TSHR: variants seen among roughly 807,000 people sequenced by gnomAD.
The protein encoded by TSHR is thyroid stimulating hormone receptor, also known as thyrotropin receptor.
In TSHR, 51 loss-of-function variants were observed where a neutral mutation model predicts 64.1. The ratio of observed to expected loss-of-function variants is 0.80; its 90% CI spans 0.64 to 1.01. The LOEUF (loss-of-function observed/expected upper bound fraction) is 1.01. TSHR is among the 50% of genes least tolerant of loss of function. The pLI is 0.00. For missense variants in TSHR, 877 were observed against 942.8 expected (o/e 0.93, Z 0.91); for synonymous variants, 361 against 361.9 (o/e 1.00, Z 0.03).
chr14:81,007,081 T>G (rs566727342), intron 1 of TSHR, among the ~76,000 whole-genome samples: 4 of 152,342 alleles, frequency 2.6e-5, no homozygotes, highest in Admixed American at 2.0e-4. Context: ...TTTAAATGTT[T>G]GCGTCCTCTC....
chr14:81,014,176 T>C (rs1240830698), intron 1 of TSHR: 1 of 152,186 alleles, frequency 6.6e-6, no homozygotes, highest in African/African-American at 2.4e-5. Flanking sequence ...TTCATTCGCT[T>C]GTAGTCTTGA....
chr14:81,096,601 C>A, intron 6 of TSHR, 38 bp from the exon 7 acceptor site: 1 of 1,602,888 alleles, frequency 6.2e-7, no homozygotes, highest in East Asian at 2.2e-5. Context: ...CACCACTTCT[C>A]ACCAGTCACT....
chr14:81,023,879 A>G (rs1288375812), intron 1 of TSHR, among the ~76,000 whole-genome samples: 2 of 152,166 alleles, frequency 1.3e-5, no homozygotes, highest in African/African-American at 2.4e-5. Flanking sequence ...TTTTCTTACT[A>G]ATAAATGTCC....
intron 7 of TSHR, chr14:81,105,012 T>G: frequency 2.0e-6 from 2 of 985,432 alleles, no homozygotes; most frequent in Non-Finnish European, 2.4e-6. Context: ...TTTCCTTTCG[T>G]CTCTTACTAC....
intron 8 of TSHR, among the ~76,000 whole-genome samples, chr14:81,135,756 A>C (rs1891429280): frequency 6.6e-6 from 1 of 152,164 alleles, no homozygotes; most frequent in African/African-American, 2.4e-5. Flanking sequence ...TCTATTTGAG[A>C]TATTTTGAGT....
chr14:80,973,357 G>A (rs369030003), intron 1 of TSHR, among the ~76,000 whole-genome samples: 96 of 130,994 alleles, frequency 7.3e-4, no homozygotes, highest in African/African-American at 2.6e-3. Flanking sequence ...AGTGAGCCGA[G>A]ATCGCGCCAC....
rs183627505 is a variant in TSHR at position 80,957,545 on chromosome 14, A to C, written c.170+1695A>C. ...GAATGTCCACTCTATGTTGGGGAGAAAGAAATCCAAAGACATCACTTCTTC... is the reference window on the plus strand; with the variant it reads ...GAATGTCCACTCTATGTTGGGGAGACAGAAATCCAAAGACATCACTTCTTC... On this transcript the variant is annotated intron_variant, in intron 1 of 9. Coordinates refer to ENST00000298171, the MANE Select transcript of TSHR (RefSeq NM_000369.5). Among the ~76,000 whole-genome samples the C allele has an allele frequency of 3.0e-3, 458 of 152,352 alleles. 1 individual carries two copies. The highest frequency in any genetic ancestry group is 3.9e-3 in the Non-Finnish European group (266 of 68,028).
At chr14:81,082,320 T>C (rs1246183810) in intron 3 of TSHR, among the ~76,000 whole-genome samples, 1 of 152,228 alleles carries the variant, frequency 6.6e-6, no homozygotes, top group Non-Finnish European at 1.5e-5. Flanking sequence ...CAAGGCTCTT[T>C]AGAGCAAAAC....
chr14:81,138,425 G>A (rs1489464309), intron 8 of TSHR, among the ~76,000 whole-genome samples: 1 of 151,994 alleles, frequency 6.6e-6, no homozygotes, highest in African/African-American at 2.4e-5. Context: ...TCCTGACCTC[G>A]TGATCCGCCC....
chr14:81,070,665 A>G (rs1366398085), intron 3 of TSHR, among the ~76,000 whole-genome samples: 1 of 151,264 alleles, frequency 6.6e-6, no homozygotes, highest in Non-Finnish European at 1.5e-5. Flanking sequence ...GCAAGGAAAT[A>G]ATAAATAATA....
chr14:81,087,683 T>TA (rs2139967494), intron 3 of TSHR: 3 of 458,738 alleles, frequency 6.5e-6, no homozygotes, highest in Non-Finnish European at 1.2e-5. Context: ...ATTCTGATAC[T>TA]ACAATTAAGA....
At chr14:81,100,505 A>C (rs1251036726) in intron 7 of TSHR, among the ~76,000 whole-genome samples, 1 of 152,206 alleles carries the variant, frequency 6.6e-6, no homozygotes, top group East Asian at 1.9e-4. Context: ...CTCAGTTCTG[A>C]TACTCTACCT....
At chr14:81,062,647 C>T (rs1317496148) in intron 2 of TSHR, among the ~76,000 whole-genome samples, 3 of 152,052 alleles carry the variant, frequency 2.0e-5, no homozygotes, top group Admixed American at 1.3e-4. Context: ...TTGTTATAAA[C>T]GTAGCCAGTG....
intron 8 of TSHR, among the ~76,000 whole-genome samples, chr14:81,116,599 A>G (rs1890523623): frequency 6.9e-6 from 1 of 145,516 alleles, no homozygotes; most frequent in African/African-American, 2.7e-5. Flanking sequence ...TTAACACCCC[A>G]ATGTCAACAT....
intron 1 of TSHR, among the ~76,000 whole-genome samples, chr14:81,048,167 C>A (rs1566779500): frequency 6.6e-6 from 1 of 152,050 alleles, no homozygotes; most frequent in Non-Finnish European, 1.5e-5. Context: ...CCCTGACTCC[C>A]AACTCATCAC....
intron 1 of TSHR, among the ~76,000 whole-genome samples, chr14:81,017,875 G>A (rs550207543): frequency 1.3e-5 from 2 of 150,304 alleles, no homozygotes; most frequent in Non-Finnish European, 3.0e-5. Context: ...TGTCGCCCAG[G>A]CTGGAGTACA....
rs1239562415 is a variant in TSHR, at chr14:80,982,417, G to GC, written c.170+26570dup. ...TAAGAATGATAAACCTGAAATTGGT[G>GC]CCCAGGTCTGTGCTGAGGAGTTGGA... On this transcript the variant is annotated intron_variant, in intron 1 of 9. Coordinates refer to ENST00000298171, the MANE Select transcript of TSHR (RefSeq NM_000369.5). 2.4e-6 allele frequency: 3 copies of GC among 1,247,796 alleles called. No homozygotes were observed. The East Asian group carries it at 7.6e-5, about 32-fold the overall frequency. 77.3% of individuals were successfully genotyped at this position (1,247,796 alleles called of 1,614,324 possible). A position where few individuals can be genotyped will look rare whatever the true frequency, so the allele number is the denominator to read the frequency against.
chr14:80,976,191 G>A (rs572838095), intron 1 of TSHR, among the ~76,000 whole-genome samples: 17 of 152,288 alleles, frequency 1.1e-4, no homozygotes, highest in African/African-American at 2.9e-4. Flanking sequence ...GATTACAGGC[G>A]TGAGCAAGTA....
At chr14:80,980,586 A>G (rs1391393648) in intron 1 of TSHR, among the ~76,000 whole-genome samples, 1 of 152,164 alleles carries the variant, frequency 6.6e-6, no homozygotes, top group Non-Finnish European at 1.5e-5. Flanking sequence ...TTAATGTTTA[A>G]CAGTTTTCCT....
Sources: gnomAD v4.1 joint callset for allele counts (sites outside exome capture counted in the v4.1 genomes callset) on GRCh38, gnomAD v4.1.1 for gene constraint, MANE v1.5 for transcripts, NCBI Gene and HGNC (gene_info 2026-07-23, HGNC 2026-07-21) for gene names.